The following RIMS2 variants were observed in gnomAD, a reference collection of about 807,000 sequenced individuals.
RIMS2 encodes the protein regulating synaptic membrane exocytosis protein 2.
RIMS2 carries 59 observed loss-of-function variants against 174.4 expected under a neutral mutation model. The observed-to-expected ratio is 0.34, with a 90% CI of 0.27 to 0.42. The LOEUF is 0.42. Ranked by LOEUF, RIMS2 falls within the 10% of genes least tolerant of loss-of-function variation. The pLI, the probability that RIMS2 is intolerant of heterozygous loss-of-function variation, is 1.00. For missense variants in RIMS2, 1,620 were observed against 1,666.3 expected, an observed-to-expected ratio of 0.97 and a Z score of 0.48; for synonymous variants, 606 against 572.5, an observed-to-expected ratio of 1.06 and a Z score of -0.84.
intron 1 of RIMS2, among the ~76,000 whole-genome samples, chr8:103,587,021 A>G (rs568806851): frequency 1.1e-4 from 17 of 152,188 alleles, no homozygotes; most frequent in African/African-American, 3.6e-4. Context: ...TTTCCAATCA[A>G]AAGTATTGAC....
chr8:103,986,054 A>G (rs957867103), intron 16 of RIMS2, among the ~76,000 whole-genome samples: 3 of 152,186 alleles, frequency 2.0e-5, no homozygotes, highest in Non-Finnish European at 4.4e-5. Flanking sequence ...TATAGTTAAT[A>G]TATACTTGAA....
intron 19 of RIMS2, among the ~76,000 whole-genome samples, chr8:104,135,510 G>A (rs2098511022): frequency 6.6e-6 from 1 of 151,542 alleles, no homozygotes; most frequent in Admixed American, 6.6e-5. Flanking sequence ...GGAGGCTGAG[G>A]TGGGAGGATC....
Position 104,014,665 on chromosome 8 carries a change from A to G in RIMS2, c.3334+50A>G, listed in dbSNP as rs767605570. ...GTTTAGGAAATACACATGGAAGCTA[A>G]GGTGAATCAAGATTTTCTTATTACC... is the stretch of plus-strand genomic sequence containing the variant. On this transcript the variant is annotated intron_variant, in intron 19 of 23. Coordinates refer to ENST00000504942, the Ensembl canonical transcript of RIMS2. 267 of 1,115,890 alleles carry G rather than the reference A, an allele frequency of 2.4e-4. 1 individual carries two copies. Among genetic ancestry groups the G allele is most frequent in the Admixed American group, 2.5e-4 (14 of 56,196 alleles). 69.1% of individuals were successfully genotyped at this position (1,115,890 alleles called of 1,614,324 possible).
At chr8:104,141,353 A>G (rs538424198) in intron 19 of RIMS2, among the ~76,000 whole-genome samples, 1 of 152,220 alleles carries the variant, frequency 6.6e-6, no homozygotes, top group African/African-American at 2.4e-5. Context: ...TAGACAGACT[A>G]AAGAGTTTAA....
At chr8:103,513,932 T>G (rs1827776109) in intron 1 of RIMS2, among the ~76,000 whole-genome samples, 1 of 152,192 alleles carries the variant, frequency 6.6e-6, no homozygotes, top group African/African-American at 2.4e-5. Context: ...AATTTAAATT[T>G]TACTCTTTCC....
intron 1 of RIMS2, among the ~76,000 whole-genome samples, chr8:103,682,380 C>G (rs2096890883): frequency 1.3e-5 from 2 of 152,044 alleles, no homozygotes; most frequent in African/African-American, 2.4e-5. Context: ...AGGAGTCTTA[C>G]AAAAGCTAAG....
intron 1 of RIMS2, among the ~76,000 whole-genome samples, chr8:103,656,899 T>C (rs893274927): frequency 6.6e-6 from 1 of 152,062 alleles, no homozygotes; most frequent in Non-Finnish European, 1.5e-5. Context: ...AATTTTAAGG[T>C]TTTACTTCTG....
intron 1 of RIMS2, among the ~76,000 whole-genome samples, chr8:103,661,420 T>C (rs866076130): frequency 6.6e-6 from 1 of 152,220 alleles, no homozygotes; most frequent in Non-Finnish European, 1.5e-5. Context: ...TTCAGCTACT[T>C]CAAAATACTT....
intron 19 of RIMS2, among the ~76,000 whole-genome samples, chr8:104,199,342 A>G (rs1207921328): frequency 4.6e-5 from 7 of 151,864 alleles, no homozygotes; most frequent in Non-Finnish European, 5.9e-5. Flanking sequence ...GATTACAGGC[A>G]TGAGCCACCA....
intron 1 of RIMS2, among the ~76,000 whole-genome samples, chr8:103,612,388 T>C (rs988920229): frequency 6.6e-6 from 1 of 152,174 alleles, no homozygotes; most frequent in Non-Finnish European, 1.5e-5. Context: ...TAGGTATTTA[T>C]TGTAGTCTTC....
At chr8:104,241,329 A>G (rs144807511) in intron 19 of RIMS2, among the ~76,000 whole-genome samples, 1 of 152,326 alleles carries the variant, frequency 6.6e-6, no homozygotes, top group African/African-American at 2.4e-5. Context: ...CTTAGATGCT[A>G]TAACTGTAAA....
chr8:103,729,620 A>G (rs1340024815), intron 2 of RIMS2, among the ~76,000 whole-genome samples: 1 of 151,166 alleles, frequency 6.6e-6, no homozygotes, highest in South Asian at 2.1e-4. Context: ...TTGGTTTTCT[A>G]GTTCTTTAAG....
intron 19 of RIMS2, among the ~76,000 whole-genome samples, chr8:104,133,393 A>G (rs1217673315): frequency 6.6e-6 from 1 of 152,146 alleles, no homozygotes; most frequent in African/African-American, 2.4e-5. Context: ...TGATTTTTCC[A>G]AGGAGAAGGG....
intron 19 of RIMS2, among the ~76,000 whole-genome samples, chr8:104,217,476 C>T (rs1370658714): frequency 6.6e-6 from 1 of 152,070 alleles, no homozygotes; most frequent in Admixed American, 6.6e-5. Flanking sequence ...ACCTTGTTGC[C>T]CAGACTGGTC....
intron 15 of RIMS2, among the ~76,000 whole-genome samples, chr8:103,974,893 A>T (rs901508926): frequency 6.6e-6 from 1 of 152,194 alleles, no homozygotes; most frequent in African/African-American, 2.4e-5. Flanking sequence ...TACAAAAGGT[A>T]TTCAGCATGT....
At chr8:103,602,966 A>G (rs1051906251) in intron 1 of RIMS2, among the ~76,000 whole-genome samples, 1 of 152,110 alleles carries the variant, frequency 6.6e-6, no homozygotes, top group Admixed American at 6.6e-5. Flanking sequence ...CCTTGCTAGC[A>G]TCTGTTATTT....
intron 1 of RIMS2, among the ~76,000 whole-genome samples, chr8:103,575,113 C>T (rs1033475463): frequency 3.9e-5 from 6 of 152,002 alleles, no homozygotes; most frequent in African/African-American, 1.5e-4. Context: ...ACATATCACT[C>T]AATTAAAAAA....
exon 15 of RIMS2, chr8:103,961,107 G>A: frequency 6.6e-7 from 1 of 1,504,300 alleles, no homozygotes; most frequent in Non-Finnish European, 9.3e-7. Flanking sequence ...GACTATGACT[G>A]TGATGATGGA....
intron 1 of RIMS2, among the ~76,000 whole-genome samples, chr8:103,553,437 G>C (rs1401429353): frequency 6.6e-6 from 1 of 151,926 alleles, no homozygotes; most frequent in Non-Finnish European, 1.5e-5. Context: ...CAAACACTGG[G>C]ACCTGTCATG....
Sources: allele counts gnomAD v4.1 joint callset (sites outside exome capture counted in the v4.1 genomes callset), GRCh38; gene constraint gnomAD v4.1.1; transcripts MANE v1.5; gene names NCBI Gene and HGNC (gene_info 2026-07-23, HGNC 2026-07-21).